Variants in PSD3 observed in about 807,000 individuals in gnomAD.
PSD3 encodes the protein pleckstrin and Sec7 domain containing 3.
A neutral mutation model predicts 105.5 loss-of-function variants in PSD3; 49 were observed. That is an observed-to-expected ratio of 0.46 (90% CI 0.37 to 0.59). The LOEUF (loss-of-function observed/expected upper bound fraction) is 0.59. Ranked by LOEUF, PSD3 falls within the 20% of genes least tolerant of loss-of-function variation. The probability of loss-of-function intolerance (pLI) is 0.00; values close to 1 mark genes in which losing one functional copy is unlikely to be tolerated. For missense variants in PSD3, 1,561 were observed against 1,263.8 expected (o/e 1.24, Z -3.57); for synonymous variants, 557 against 457.8 (o/e 1.22, Z -2.77).
chr8:18,933,713 C>T (rs1821895502), intron 2 of PSD3, among the ~76,000 whole-genome samples: 1 of 152,176 alleles, frequency 6.6e-6, no homozygotes, highest in Non-Finnish European at 1.5e-5. Flanking sequence ...GGTGATCCAT[C>T]CGCCTCTGCC....
intron 1 of PSD3, among the ~76,000 whole-genome samples, chr8:18,983,878 C>T (rs1341642303): frequency 1.3e-5 from 2 of 151,792 alleles, no homozygotes; most frequent in African/African-American, 4.8e-5. Context: ...GTGGCATGTG[C>T]TGTAGTCCCA....
At chr8:18,684,151 T>C (rs574642583) in intron 9 of PSD3, 1 of 440,032 alleles carries the variant, frequency 2.3e-6, no homozygotes, top group African/African-American at 2.0e-5. Context: ...CTCACGTCAC[T>C]GGCTGCAAAG....
chr8:18,979,909 T>C (rs1475144556), intron 1 of PSD3: 1 of 152,336 alleles, frequency 6.6e-6, no homozygotes, highest in South Asian at 2.1e-4. Flanking sequence ...CTCCAAATCA[T>C]TGAAAGGTGG....
At chr8:18,694,061 C>T (rs2131005568) in intron 9 of PSD3, among the ~76,000 whole-genome samples, 1 of 152,276 alleles carries the variant, frequency 6.6e-6, no homozygotes, top group Admixed American at 6.5e-5. Context: ...TGTCATGAAA[C>T]AGTAAGGTAA....
At chr8:19,024,764 C>G (rs901057789) in intron 1 of PSD3, among the ~76,000 whole-genome samples, 3 of 152,044 alleles carry the variant, frequency 2.0e-5, no homozygotes, top group Non-Finnish European at 2.9e-5. Context: ...GACTTATGAG[C>G]TTAGGAGTTG....
At chr8:18,914,705 G>T (rs1414069993) in intron 2 of PSD3, among the ~76,000 whole-genome samples, 2 of 152,278 alleles carry the variant, frequency 1.3e-5, no homozygotes, top group South Asian at 2.1e-4. Context: ...AATGAAAAAA[G>T]TTGAAGTGAC....
chr8:18,615,881 T>C (rs1407206547), intron 11 of PSD3, among the ~76,000 whole-genome samples: 5 of 152,210 alleles, frequency 3.3e-5, no homozygotes, highest in South Asian at 2.1e-4. Context: ...GCAATTCAAA[T>C]AAGCTATTGT....
At chr8:18,813,347 C>A (rs1406173325) in intron 4 of PSD3, among the ~76,000 whole-genome samples, 2 of 152,158 alleles carry the variant, frequency 1.3e-5, no homozygotes, top group Admixed American at 6.5e-5. Context: ...GTACAAGGTA[C>A]ACACAGGTTA....
chr8:18,550,960 TTAAC>T (rs2064544953), intron 15 of PSD3, among the ~76,000 whole-genome samples: 1 of 152,188 alleles, frequency 6.6e-6, no homozygotes, highest in African/African-American at 2.4e-5. Flanking sequence ...CTAATCTTCT[TTAAC>T]TAGTTTAACA....
chr8:18,904,001 A>G (rs1190557488), intron 2 of PSD3, among the ~76,000 whole-genome samples: 4 of 152,158 alleles, frequency 2.6e-5, no homozygotes, highest in Non-Finnish European at 4.4e-5. Context: ...GCAGTGCTAT[A>G]AAGGAACACC....
intron 8 of PSD3, among the ~76,000 whole-genome samples, chr8:18,768,724 C>T (rs1337435997): frequency 6.6e-6 from 1 of 152,196 alleles, no homozygotes; most frequent in Non-Finnish European, 1.5e-5. Context: ...CCCAGCCACC[C>T]TTCTCCTGTT....
intron 1 of PSD3, among the ~76,000 whole-genome samples, chr8:18,974,169 G>A (rs900392668): frequency 1.1e-4 from 16 of 152,184 alleles, no homozygotes; most frequent in African/African-American, 3.1e-4. Flanking sequence ...GATTGTCAGA[G>A]TTAATCTTCA....
At chr8:18,801,720 C>G (rs928324679) in intron 6 of PSD3, among the ~76,000 whole-genome samples, 1 of 152,100 alleles carries the variant, frequency 6.6e-6, no homozygotes, top group Non-Finnish European at 1.5e-5. Context: ...ATCCCAGCTA[C>G]TCAGGAAGCT....
chr8:18,847,837 G>C (rs530994620), intron 4 of PSD3, among the ~76,000 whole-genome samples: 4 of 152,304 alleles, frequency 2.6e-5, no homozygotes, highest in Admixed American at 2.0e-4. Flanking sequence ...ATGTGCAATG[G>C]CCATAGCAGC....
upstream of PSD3, among the ~76,000 whole-genome samples, chr8:19,018,058 A>C (rs961531205): frequency 6.6e-6 from 1 of 151,956 alleles, no homozygotes; most frequent in Non-Finnish European, 1.5e-5. Flanking sequence ...CCTCACCCAC[A>C]CTCATTATTG....
chr8:18,577,899 C>T (rs1220641702), intron 12 of PSD3, among the ~76,000 whole-genome samples: 2 of 152,060 alleles, frequency 1.3e-5, no homozygotes, highest in African/African-American at 4.8e-5. Context: ...CCTCTCTCCT[C>T]TCATACCTTT....
intron 11 of PSD3, among the ~76,000 whole-genome samples, chr8:18,605,370 T>TA (rs1804743628): frequency 1.4e-5 from 1 of 71,972 alleles, no homozygotes; most frequent in African/African-American, 4.4e-5. Context: ...ATGGAGCCTG[T>TA]AGCCCCTTTT....
Position 18,872,510 on chromosome 8 carries a change from G to C in PSD3, c.354C>G (p.Pro118=). ...TTTGTTCCTTGAGATGACTTTGAGA[G>C]GGGGCCTCTCTGACATCTTTTGGTC... is the stretch of plus-strand genomic sequence containing the variant. ...TEGPKDVREA[P]SQSHLKEQSL... Residue 118 remains proline, a synonymous_variant, in exon 3 of 16, where the codon CCC becomes CCG. Coordinates refer to ENST00000327040, the MANE Select transcript of PSD3 (RefSeq NM_015310.4). 6.2e-7 allele frequency: 1 copy of C among 1,614,150 alleles called. No homozygotes were observed.
intron 8 of PSD3, among the ~76,000 whole-genome samples, chr8:18,797,082 T>C (rs1810251312): frequency 6.6e-6 from 1 of 152,134 alleles, no homozygotes; most frequent in African/African-American, 2.4e-5. Flanking sequence ...ATAATTTATT[T>C]TTAAAATGAA....
Sources: allele counts gnomAD v4.1 joint callset (sites outside exome capture counted in the v4.1 genomes callset), GRCh38; gene constraint gnomAD v4.1.1; transcripts MANE v1.5; gene names NCBI Gene and HGNC (gene_info 2026-07-23, HGNC 2026-07-21).